The following NFAT5 variants were observed in gnomAD, a reference collection of about 807,000 sequenced individuals.
NFAT5 encodes the protein nuclear factor of activated T-cells 5.
In NFAT5, 31 loss-of-function variants were observed where a neutral mutation model predicts 166.5. That is an observed-to-expected ratio of 0.19 (90% CI 0.14 to 0.25). The LOEUF (loss-of-function observed/expected upper bound fraction) is 0.25. Ranked by LOEUF, NFAT5 falls within the 10% of genes least tolerant of loss-of-function variation. The pLI is 1.00. For missense variants in NFAT5, 1,449 were observed against 1,821.8 expected (o/e 0.80, Z 3.72); for synonymous variants, 612 against 639.7 (o/e 0.96, Z 0.65).
At chr16:69,620,517 T>G (rs2034150664) in intron 2 of NFAT5, among the ~76,000 whole-genome samples, 1 of 152,186 alleles carries the variant, frequency 6.6e-6, no homozygotes, top group Non-Finnish European at 1.5e-5. Flanking sequence ...GAGGCTTGCT[T>G]GAGCCCAGGA....
At chr16:69,615,151 T>C (rs1476905454) in intron 2 of NFAT5, among the ~76,000 whole-genome samples, 1 of 151,840 alleles carries the variant, frequency 6.6e-6, no homozygotes, top group Non-Finnish European at 1.5e-5. Flanking sequence ...AAGAGATTCT[T>C]CTGCCTCAGC....
chr16:69,584,549 C>T (rs1158272721), intron 2 of NFAT5, among the ~76,000 whole-genome samples: 2 of 151,860 alleles, frequency 1.3e-5, no homozygotes, highest in South Asian at 2.1e-4. Flanking sequence ...AGGCTGGTCT[C>T]GAATTCCTGA....
At chr16:69,661,569 G>GAAAAAAAAAAAAA (rs1187473064) in intron 7 of NFAT5, among the ~76,000 whole-genome samples, 65 of 92,012 alleles carry the variant, frequency 7.1e-4, no homozygotes, top group East Asian at 4.1e-3. Context: ...AAAAAAAAAG[G>GAAAAAAAAAAAAA]AAATTGTTCA....
chr16:69,674,510 A>G (rs936273634), intron 9 of NFAT5, among the ~76,000 whole-genome samples: 1 of 152,054 alleles, frequency 6.6e-6, no homozygotes, highest in Non-Finnish European at 1.5e-5. Context: ...ACATAAAAGG[A>G]TAGCTCAGGG....
At chr16:69,577,399 C>T (rs2016820536) in intron 2 of NFAT5, among the ~76,000 whole-genome samples, 1 of 151,970 alleles carries the variant, frequency 6.6e-6, no homozygotes, top group African/African-American at 2.4e-5. Flanking sequence ...TGCACATATA[C>T]ATGAAAAATA....
At chr16:69,589,010 T>TTTTTTTTTTTC (rs2032286981) in intron 2 of NFAT5, among the ~76,000 whole-genome samples, 1 of 139,464 alleles carries the variant, frequency 7.2e-6, no homozygotes, top group African/African-American at 3.0e-5. Flanking sequence ...TTTTTTTTTT[T>TTTTTTTTTTTC]TGAGATGGAG....
intron 2 of NFAT5, among the ~76,000 whole-genome samples, chr16:69,599,457 AT>A (rs2033005243): frequency 6.6e-6 from 1 of 152,128 alleles, no homozygotes; most frequent in Non-Finnish European, 1.5e-5. Flanking sequence ...CGTGCCTGTA[AT>A]CCCAGCTGCT....
At chr16:69,585,526 G>A (rs2032000773) in intron 2 of NFAT5, among the ~76,000 whole-genome samples, 1 of 152,056 alleles carries the variant, frequency 6.6e-6, no homozygotes, top group Non-Finnish European at 1.5e-5. Context: ...ATGCACTAAT[G>A]TTCCTAGCAG....
intron 11 of NFAT5, among the ~76,000 whole-genome samples, chr16:69,688,202 CAAAAAAAAAA>C (rs1188158260): frequency 1.0e-4 from 5 of 49,526 alleles, no homozygotes; most frequent in Admixed American, 2.2e-4. Context: ...GACTCCGTCT[CAAAAAAAAAA>C]AAAAAAAAAA....
chr16:69,688,442 C>T (rs2037416783), intron 11 of NFAT5, among the ~76,000 whole-genome samples: 1 of 151,910 alleles, frequency 6.6e-6, no homozygotes, highest in Non-Finnish European at 1.5e-5. Flanking sequence ...GTGGCGTGGT[C>T]TCGGCTTACT....
chr16:69,649,259 G>A, intron 4 of NFAT5: 1 of 953,542 alleles, frequency 1.0e-6, no homozygotes, highest in Non-Finnish European at 1.2e-6. Context: ...TTGTGCTTTA[G>A]TGGAGAAAGT....
chr16:69,566,473 G>T lies in NFAT5; in HGVS notation c.73+99G>T. On this transcript the variant is annotated intron_variant, in intron 1 of 14. Transcript: ENST00000349945. This position sits in a 1 kb window ranked among gnomAD's most constrained non-coding sequence, Gnocchi z 5.7. ...GAGGGGTCCCCGTCCCGCCGGGGGC[G>T]GCTGAGCCGCGACCCCCATGGCTTC... is the stretch of plus-strand genomic sequence containing the variant. 9.4e-7 allele frequency: 1 copy of T among 1,058,864 alleles called. No individual in the cohort carries two copies. The highest frequency in any genetic ancestry group is 1.4e-6 in the Non-Finnish European group (1 of 709,026). 65.6% of individuals were successfully genotyped at this position (1,058,864 alleles called of 1,614,324 possible).
At position 69,696,088 on chromosome 16, in the gene NFAT5, C is replaced by G. The variant is rs527686487; in HGVS notation, c.*9-272C>G. On this transcript the variant is annotated intron_variant, in intron 14 of 14. Coordinates refer to ENST00000349945, the MANE Select transcript of NFAT5 (RefSeq NM_138713.4). Reference sequence around the variant, plus strand: ...GATACTCAACCTATATTGGACATTCCTTCTGCCTCTGAGCTTCTTTGCCTT... The same window carrying G: ...GATACTCAACCTATATTGGACATTCGTTCTGCCTCTGAGCTTCTTTGCCTT... 3.9e-5 allele frequency among the ~76,000 whole-genome samples: 6 copies of G among 152,316 alleles called. No individual in the cohort carries two copies. The South Asian group carries it at 1.0e-3, about 26-fold the overall frequency.
At chr16:69,681,813 G>A (rs937223078) in intron 10 of NFAT5, among the ~76,000 whole-genome samples, 6 of 151,776 alleles carry the variant, frequency 4.0e-5, no homozygotes, top group Non-Finnish European at 8.8e-5. Context: ...AGCTACCCAG[G>A]AGGCTGAGGC....
At chr16:69,623,655 G>A (rs1256012348) in intron 2 of NFAT5, among the ~76,000 whole-genome samples, 1 of 151,860 alleles carries the variant, frequency 6.6e-6, no homozygotes, top group Non-Finnish European at 1.5e-5. Flanking sequence ...TTACAGGCAT[G>A]CACCACCATG....
chr16:69,616,807 C>G (rs909414633), intron 2 of NFAT5, among the ~76,000 whole-genome samples: 8 of 152,088 alleles, frequency 5.3e-5, no homozygotes, highest in Non-Finnish European at 1.2e-4. Flanking sequence ...CCTCCTCACC[C>G]TGCTTAAGCT....
In NFAT5 at chr16:69,684,830, T is replaced by C. The variant is rs2037220702; in HGVS notation, c.1691-57T>C. On this transcript the variant is annotated intron_variant, in intron 10 of 14. Transcript: ENST00000349945. ...GATATTCTAATTAAAGAATTTAAGA[T>C]ACGAGGTTTTTAGGATGAGTAAATG... The C allele has an allele frequency of 2.5e-5, 28 of 1,107,012 alleles. 1 individual carries two copies. In the South Asian group the frequency reaches 3.8e-4, roughly 15 times the overall value. The allele number at this position is 1,107,012 out of a possible 1,614,324, so 68.6% of individuals were successfully genotyped here. A position where few individuals can be genotyped will look rare whatever the true frequency, so the allele number is the denominator to read the frequency against.
At chr16:69,671,985 T>C (rs904162546) in intron 9 of NFAT5, among the ~76,000 whole-genome samples, 1 of 152,216 alleles carries the variant, frequency 6.6e-6, no homozygotes, top group Non-Finnish European at 1.5e-5. Flanking sequence ...ATAAATCACA[T>C]TGTTAGACTA....
In NFAT5 at chr16:69,692,830, C is replaced by T. The variant is rs772302079; in HGVS notation, c.3005C>T (p.Thr1002Ile). ...VATPGTTMFQ[T>I]SSSGDGEETG... ...ACCCCTGGCACTACCATGTTTCAGA[C>T]ATCAAGTTCAGGAGATGGAGAAGAA... is the stretch of plus-strand genomic sequence containing the variant. The change falls in exon 13 of 15, where the codon ACA becomes ATA. Residue 1002 changes from threonine to isoleucine, a missense_variant. Coordinates refer to ENST00000349945, the MANE Select transcript of NFAT5 (RefSeq NM_138713.4). 3.1e-6 allele frequency: 5 copies of T among 1,614,200 alleles called. No individual in the cohort carries two copies. In the South Asian group the frequency reaches 4.4e-5, roughly 14 times the overall value.
Sources: allele counts gnomAD v4.1 joint callset (sites outside exome capture counted in the v4.1 genomes callset), GRCh38; gene constraint gnomAD v4.1.1; non-coding constraint Gnocchi (gnomAD v3.1); transcripts MANE v1.5; gene names NCBI Gene and HGNC (gene_info 2026-07-23, HGNC 2026-07-21).